The following KANK1 variants were observed in gnomAD, a reference collection of about 807,000 sequenced individuals.
The protein encoded by KANK1 is KN motif and ankyrin repeat domains 1.
Under a neutral mutation model 106.2 loss-of-function variants are expected in KANK1, and 109 were observed. The ratio of observed to expected loss-of-function variants is 1.03; its 90% CI spans 0.88 to 1.20. The LOEUF is 1.20. Among genes scored for constraint, KANK1 ranks in the 50% most tolerant of loss-of-function variants. The pLI is 0.00. For missense variants in KANK1, 2,399 were observed against 1,710.7 expected, an observed-to-expected ratio of 1.40 and a Z score of -7.10; for synonymous variants, 873 against 652.2, an observed-to-expected ratio of 1.34 and a Z score of -5.16.
At chr9:580,972 C>G (rs1821966251) in intron 1 of KANK1, among the ~76,000 whole-genome samples, 1 of 152,216 alleles carries the variant, frequency 6.6e-6, no homozygotes, top group South Asian at 2.1e-4. Context: ...CAGGCTGACA[C>G]TGCTAGGGAA....
chr9:567,860 T>A (rs1818195087), intron 1 of KANK1, among the ~76,000 whole-genome samples: 1 of 152,186 alleles, frequency 6.6e-6, no homozygotes, highest in South Asian at 2.1e-4. Flanking sequence ...TTTGCAGATG[T>A]TTTATAACTT....
Position 744,644 on chromosome 9 carries a change from G to GA in KANK1, c.3996+56dup, listed in dbSNP as rs747005922. The GA allele has an allele frequency of 6.8e-6, 11 of 1,613,652 alleles. No homozygotes were observed. The African/African-American group carries it at 1.5e-4, about 22-fold the overall frequency. Reference sequence around the variant, plus strand: ...TAGGCTGAAATCCACCAGACTGGTGGACCCCCTTCCTCCAGGAATTGACGG... The same window carrying GA: ...TAGGCTGAAATCCACCAGACTGGTGGAACCCCCTTCCTCCAGGAATTGACGG... On this transcript the variant is annotated intron_variant, in intron 11 of 11. Coordinates refer to ENST00000382297, the MANE Select transcript of KANK1 (RefSeq NM_015158.5).
chr9:539,973 T>G (rs1040224768), intron 1 of KANK1, among the ~76,000 whole-genome samples: 16 of 152,258 alleles, frequency 1.1e-4, no homozygotes, highest in Non-Finnish European at 2.1e-4. Context: ...TAAGATTATA[T>G]CATCTGCAAA....
Position 571,119 on chromosome 9 carries a change from T to G in KANK1, c.-84+66365T>G, listed in dbSNP as rs558942895. ...GTGGTATGAGAGAGTGCCCATCTCC[T>G]TGGGGACCTAGCCCCTTGATGGTTC... On this transcript the variant is annotated intron_variant, in intron 1 of 11. Coordinates refer to ENST00000382297, the MANE Select transcript of KANK1 (RefSeq NM_015158.5). 2.0e-5 allele frequency among the ~76,000 whole-genome samples: 3 copies of G among 152,346 alleles called. No individual in the cohort carries two copies. In the East Asian group the frequency reaches 5.8e-4, roughly 29 times the overall value.
intron 1 of KANK1, among the ~76,000 whole-genome samples, chr9:621,123 C>T (rs980203607): frequency 3.3e-5 from 5 of 152,166 alleles, no homozygotes; most frequent in African/African-American, 1.2e-4. Context: ...GGCTCCTTTC[C>T]TGACCCTTTG....
chr9:711,631 G>A lies in KANK1; in HGVS notation c.865G>A (p.Val289Ile). ...EQVRTIPVLQ[V>I]KISVLQEEKR... ...GGTGCGAACCATCCCTGTGCTCCAG[G>A]TAAAGATCTCTGTCTTGCAAGAAGA... Residue 289 changes from valine to isoleucine, a missense_variant, in exon 3 of 12, where the codon GTA becomes ATA. Transcript: ENST00000382297. 1 of 1,614,114 alleles carries A rather than the reference G, an allele frequency of 6.2e-7. No homozygotes were observed. Among genetic ancestry groups the A allele is most frequent in the Non-Finnish European group, 8.5e-7 (1 of 1,180,026 alleles).
chr9:520,705 A>G (rs1450479321), intron 1 of KANK1, among the ~76,000 whole-genome samples: 1 of 151,804 alleles, frequency 6.6e-6, no homozygotes, highest in Non-Finnish European at 1.5e-5. Flanking sequence ...ATGCCTCAGA[A>G]ATCTGCCTAG....
intron 1 of KANK1, among the ~76,000 whole-genome samples, chr9:647,291 C>G (rs1448625065): frequency 6.6e-6 from 1 of 150,912 alleles, no homozygotes; most frequent in Non-Finnish European, 1.5e-5. Context: ...GACTAGACAA[C>G]TAAGTTCTGG....
chr9:640,172 A>C (rs1838080140), intron 1 of KANK1, among the ~76,000 whole-genome samples: 2 of 152,166 alleles, frequency 1.3e-5, no homozygotes. Context: ...TTGGCTTCTC[A>C]TTCTCACTGC....
intron 2 of KANK1, among the ~76,000 whole-genome samples, chr9:701,463 C>T (rs573112504): frequency 2.0e-5 from 3 of 152,284 alleles, no homozygotes; most frequent in East Asian, 3.9e-4. Context: ...TTATTCTTCT[C>T]GCTGTCCCCA....
At chr9:492,348 T>C (rs564140664) in intron 3 of KANK1, 20 of 152,346 alleles carry the variant, frequency 1.3e-4, no homozygotes, top group African/African-American at 4.1e-4. Flanking sequence ...AGAGAATCAG[T>C]ATAGCTTAGC....
intron 1 of KANK1, among the ~76,000 whole-genome samples, chr9:674,756 T>C (rs1264898354): frequency 6.6e-6 from 1 of 152,202 alleles, no homozygotes; most frequent in Non-Finnish European, 1.5e-5. Flanking sequence ...CAGGCTGGGG[T>C]GCAGTGGTGC....
intron 1 of KANK1, among the ~76,000 whole-genome samples, chr9:569,421 G>A (rs1260719448): frequency 6.6e-6 from 1 of 151,886 alleles, no homozygotes; most frequent in Non-Finnish European, 1.5e-5. Flanking sequence ...AGGGGAGTAG[G>A]GCTGGTGGCT....
chr9:615,054 C>G (rs757853561), intron 1 of KANK1, among the ~76,000 whole-genome samples: 15 of 150,838 alleles, frequency 9.9e-5, no homozygotes, highest in Non-Finnish European at 1.9e-4. Flanking sequence ...AATTCTCTTA[C>G]TCAGCCTTCC....
chr9:606,150 C>T (rs1247845334), intron 1 of KANK1, among the ~76,000 whole-genome samples: 3 of 68,764 alleles, frequency 4.4e-5, no homozygotes, highest in African/African-American at 9.1e-5. Flanking sequence ...CCTACACACA[C>T]ACACACACAC....
chr9:658,536 T>TGGTA (rs1842635050), intron 1 of KANK1, among the ~76,000 whole-genome samples: 1 of 152,084 alleles, frequency 6.6e-6, no homozygotes, highest in South Asian at 2.1e-4. Flanking sequence ...GGCTCTTACT[T>TGGTA]TTGGTATTAT....
At chr9:570,649 C>T (rs72689642) in intron 1 of KANK1, among the ~76,000 whole-genome samples, 1 of 152,306 alleles carries the variant, frequency 6.6e-6, no homozygotes, top group South Asian at 2.1e-4. Flanking sequence ...CTTTTTAACA[C>T]CACTTGCCTC....
At chr9:562,388 G>A (rs1480027138) in intron 1 of KANK1, among the ~76,000 whole-genome samples, 1 of 152,126 alleles carries the variant, frequency 6.6e-6, no homozygotes, top group African/African-American at 2.4e-5. Context: ...GCCAGAGCTG[G>A]GTAACAACTG....
chr9:499,192 AG>A (rs1432024099), intron 3 of KANK1, among the ~76,000 whole-genome samples: 2 of 151,826 alleles, frequency 1.3e-5, no homozygotes, highest in African/African-American at 4.8e-5. Context: ...AAAAAAAAAA[AG>A]TTAAACGCAG....
Sources: gnomAD v4.1 joint callset for allele counts (sites outside exome capture counted in the v4.1 genomes callset) on GRCh38, gnomAD v4.1.1 for gene constraint, MANE v1.5 for transcripts, NCBI Gene and HGNC (gene_info 2026-07-23, HGNC 2026-07-21) for gene names.